Variants in CDYL2 observed in about 807,000 individuals in gnomAD.
The protein encoded by CDYL2 is chromodomain Y-like protein 2.
CDYL2 carries 23 observed loss-of-function variants against 49.4 expected under a neutral mutation model. That is an observed-to-expected ratio of 0.47 (90% confidence interval 0.34 to 0.66). CDYL2 has a LOEUF of 0.66. CDYL2 is among the 30% of genes least tolerant of loss of function. CDYL2 has a pLI of 0.01. For missense variants in CDYL2, 678 were observed against 656.4 expected, an observed-to-expected ratio of 1.03 and a Z score of -0.36; for synonymous variants, 360 against 268.8, an observed-to-expected ratio of 1.34 and a Z score of -3.32.
intron 1 of CDYL2, among the ~76,000 whole-genome samples, chr16:80,699,868 ATTT>A (rs66786988): frequency 1.4e-5 from 2 of 144,318 alleles, no homozygotes. Flanking sequence ...GACCAAAACA[ATTT>A]TTTTTTTTTT....
intron 2 of CDYL2, among the ~76,000 whole-genome samples, chr16:80,640,621 T>C (rs116129003): frequency 0.01 from 1,571 of 152,182 alleles, 32 homozygotes; most frequent in African/African-American, 0.036. Flanking sequence ...GTACTAACCC[T>C]GGAGCAAGGG....
At chr16:80,740,803 G>T (rs1420776458) in intron 1 of CDYL2, among the ~76,000 whole-genome samples, 2 of 150,308 alleles carry the variant, frequency 1.3e-5, no homozygotes, top group African/African-American at 2.5e-5. Context: ...AAATGTGCAG[G>T]ATTAAATGAA....
chr16:80,657,751 A>G (rs1332482917), intron 2 of CDYL2, among the ~76,000 whole-genome samples: 1 of 152,126 alleles, frequency 6.6e-6, no homozygotes, highest in Non-Finnish European at 1.5e-5. Context: ...GTATCTGACA[A>G]CACTGTTTAT....
chr16:80,780,560 A>G (rs1057381891), intron 1 of CDYL2, among the ~76,000 whole-genome samples: 8 of 151,716 alleles, frequency 5.3e-5, no homozygotes, highest in Non-Finnish European at 1.2e-4. Context: ...ACCTGCCACC[A>G]TGCCTGGCTA....
chr16:80,712,187 G>GTATATATATATATATATATATATA lies in CDYL2; in HGVS notation c.25-27059_25-27058insTATATATATATATATATATATATA, dbSNP rs1464649825. Among the ~76,000 whole-genome samples, 33 of 38,076 alleles carry GTATATATATATATATATATATATA rather than the reference G, an allele frequency of 8.7e-4. 1 individual carries two copies. Among genetic ancestry groups the GTATATATATATATATATATATATA allele is most frequent in the Non-Finnish European group, 1.1e-3 (24 of 22,316 alleles). 25.0% of individuals were successfully genotyped at this position (38,076 alleles called of 152,430 possible). A position where few individuals can be genotyped will look rare whatever the true frequency, so the allele number is the denominator to read the frequency against. On this transcript the variant is annotated intron_variant, in intron 1 of 6. Coordinates refer to ENST00000570137, the MANE Select transcript of CDYL2 (RefSeq NM_152342.4). ...TATATATATGTGTCTTTGTGTCTGTGTGTGTATATATATATATATATATAT... is the reference window on the plus strand; with the variant it reads ...TATATATATGTGTCTTTGTGTCTGTGTATATATATATATATATATATATATGTGTATATATATATATATATATAT...
intron 1 of CDYL2, among the ~76,000 whole-genome samples, chr16:80,709,797 T>C (rs1904531815): frequency 6.6e-6 from 1 of 152,204 alleles, no homozygotes; most frequent in Admixed American, 6.5e-5. Context: ...TTCTTAACCA[T>C]CTTGCATGTG....
At chr16:80,672,011 T>A (rs187944389) in intron 2 of CDYL2, among the ~76,000 whole-genome samples, 1 of 152,310 alleles carries the variant, frequency 6.6e-6, no homozygotes, top group African/African-American at 2.4e-5. Context: ...GTGTTTTGGA[T>A]TTCTGATTTT....
intron 1 of CDYL2, among the ~76,000 whole-genome samples, chr16:80,710,461 C>G (rs1471517332): frequency 6.6e-6 from 1 of 152,138 alleles, no homozygotes; most frequent in Non-Finnish European, 1.5e-5. Context: ...AGATGATGTG[C>G]ACTAAAGTGT....
At chr16:80,662,632 T>C in intron 2 of CDYL2, 5 of 425,182 alleles carry the variant, frequency 1.2e-5, no homozygotes, top group South Asian at 8.7e-5. Context: ...CAGAACTTCC[T>C]GCAATGATGA....
intron 2 of CDYL2, among the ~76,000 whole-genome samples, chr16:80,642,074 T>C (rs1221120271): frequency 6.6e-6 from 1 of 152,070 alleles, no homozygotes; most frequent in Non-Finnish European, 1.5e-5. Flanking sequence ...CTACAACAAC[T>C]CTTCAAGACA....
chr16:80,744,559 C>A (rs556974831), intron 1 of CDYL2, among the ~76,000 whole-genome samples: 43 of 152,098 alleles, frequency 2.8e-4, no homozygotes, highest in Non-Finnish European at 4.6e-4. Context: ...TTATTTAATC[C>A]TCCCAACAAC....
intron 1 of CDYL2, among the ~76,000 whole-genome samples, chr16:80,764,500 C>T (rs1031683999): frequency 6.6e-6 from 1 of 151,966 alleles, no homozygotes; most frequent in Non-Finnish European, 1.5e-5. Flanking sequence ...AGTATAAAAG[C>T]AATGAAAAGA....
chr16:80,766,633 G>T (rs1368333509), intron 1 of CDYL2, among the ~76,000 whole-genome samples: 3 of 152,274 alleles, frequency 2.0e-5, no homozygotes, highest in Middle Eastern at 3.4e-3. Context: ...GAGAAACTAA[G>T]ATTCCAAGAG....
chr16:80,697,519 G>A (rs1384262024), intron 1 of CDYL2, among the ~76,000 whole-genome samples: 3 of 152,068 alleles, frequency 2.0e-5, no homozygotes, highest in Middle Eastern at 3.2e-3. Flanking sequence ...AACAAGACAA[G>A]GAGGCACACT....
chr16:80,650,761 TTA>T (rs1406948776), intron 2 of CDYL2, among the ~76,000 whole-genome samples: 2 of 152,076 alleles, frequency 1.3e-5, no homozygotes, highest in African/African-American at 4.8e-5. Context: ...AATGTGGTAC[TTA>T]TACACAATGG....
intron 1 of CDYL2, among the ~76,000 whole-genome samples, chr16:80,731,489 A>G (rs182196686): frequency 5.7e-4 from 87 of 152,294 alleles, no homozygotes; most frequent in African/African-American, 1.7e-3. Flanking sequence ...AGATTCAAAG[A>G]GCCCACCAGG....
chr16:80,721,853 T>G (rs948277583), intron 1 of CDYL2, among the ~76,000 whole-genome samples: 6 of 152,156 alleles, frequency 3.9e-5, no homozygotes, highest in Non-Finnish European at 7.4e-5. Flanking sequence ...ACAGTTCCTT[T>G]GCCCTGTCCA....
intron 2 of CDYL2, among the ~76,000 whole-genome samples, chr16:80,656,134 C>T (rs759380340): frequency 2.2e-4 from 33 of 152,242 alleles, no homozygotes; most frequent in Non-Finnish European, 4.3e-4. Context: ...AGTACCTACT[C>T]TTCGGGCTGT....
intron 1 of CDYL2, among the ~76,000 whole-genome samples, chr16:80,781,312 T>C (rs1316174443): frequency 6.6e-6 from 1 of 152,164 alleles, no homozygotes; most frequent in African/African-American, 2.4e-5. Context: ...TAAATACTAA[T>C]ATTGTTCAAT....
Sources: gnomAD v4.1 joint callset for allele counts (sites outside exome capture counted in the v4.1 genomes callset) on GRCh38, gnomAD v4.1.1 for gene constraint, MANE v1.5 for transcripts, NCBI Gene and HGNC (gene_info 2026-07-23, HGNC 2026-07-21) for gene names.